The following STAMBPL1 variants were observed in gnomAD, a reference collection of about 807,000 sequenced individuals.
STAMBPL1 encodes the protein AMSH-like protease.
Under a neutral mutation model 52.9 loss-of-function variants are expected in STAMBPL1, and 44 were observed. The observed-to-expected ratio is 0.83, with a 90% CI of 0.65 to 1.07. The LOEUF is 1.07. Among genes scored for constraint, STAMBPL1 ranks in the 50% least tolerant of loss-of-function variants. STAMBPL1 has a pLI of 0.00. For missense variants in STAMBPL1, 511 were observed against 520.8 expected (o/e 0.98, Z 0.18); for synonymous variants, 164 against 177.3 (o/e 0.92, Z 0.60).
intron 6 of STAMBPL1, among the ~76,000 whole-genome samples, chr10:88,913,959 T>A (rs889030881): frequency 3.3e-5 from 5 of 152,216 alleles, no homozygotes; most frequent in African/African-American, 9.6e-5. Flanking sequence ...GAATTAGTGC[T>A]GCTCAGTACT....
At chr10:88,918,281 G>GCA (rs144819228) in intron 8 of STAMBPL1, among the ~76,000 whole-genome samples, 7,561 of 147,132 alleles carry the variant, frequency 0.051, 475 homozygotes, top group African/African-American at 0.15. Context: ...GGAGCAGCAT[G>GCA]CACACACACA....
chr10:88,923,049 T>C (rs1589383613), intron 10 of STAMBPL1, 119 bp from the exon 11 acceptor site: 3 of 715,626 alleles, frequency 4.2e-6, no homozygotes, highest in Non-Finnish European at 6.9e-6. Flanking sequence ...ATTGGAAATA[T>C]TTTAAAAATC....
At chr10:88,886,412 T>C (rs1470279968) in intron 1 of STAMBPL1, among the ~76,000 whole-genome samples, 3 of 152,200 alleles carry the variant, frequency 2.0e-5, no homozygotes, top group Non-Finnish European at 4.4e-5. Context: ...TTTTTGGAAG[T>C]TACATATTAT....
intron 6 of STAMBPL1, 90 bp downstream of exon 6, chr10:88,913,548 A>G (rs1241969681): frequency 1.8e-6 from 2 of 1,140,112 alleles, no homozygotes; most frequent in Non-Finnish European, 2.5e-6. Context: ...TTCTCATTTC[A>G]TTATTAATTG....
rs1003488511 is a variant in STAMBPL1, at chr10:88,880,369, CGAG to C, written c.-316_-314del. ...TCCCCTGCGCTGGGGTGTCCGACAG[CGAG>C]GAGGAGAACGACGCACGGAGCCCGC... On this transcript the variant is annotated 5_prime_UTR_variant, in exon 1 of 11. Coordinates refer to ENST00000371926, the MANE Select transcript of STAMBPL1 (RefSeq NM_020799.4). The C allele has an allele frequency of 3.0e-4, 45 of 152,172 alleles. No individual in the cohort carries two copies. The highest frequency in any genetic ancestry group is 1.0e-3 in the Admixed American group (16 of 15,286). The allele number at this position is 152,172 out of a possible 1,614,324, so 9.4% of individuals were successfully genotyped here.
At chr10:88,881,907 A>G (rs1844415608) in intron 1 of STAMBPL1, among the ~76,000 whole-genome samples, 1 of 152,228 alleles carries the variant, frequency 6.6e-6, no homozygotes, top group Non-Finnish European at 1.5e-5. Flanking sequence ...GCTGAGCAGT[A>G]GGCTCTTTTT....
intron 1 of STAMBPL1, among the ~76,000 whole-genome samples, chr10:88,887,363 T>C (rs529296238): frequency 1.3e-5 from 2 of 152,322 alleles, no homozygotes; most frequent in Admixed American, 6.5e-5. Flanking sequence ...ATAACTATCA[T>C]ATTCTTATGG....
rs982905221 is a variant in STAMBPL1, at chr10:88,923,152, A to T, written c.1255-16A>T. The T allele has an allele frequency of 1.3e-6, 2 of 1,596,064 alleles. No homozygotes were observed. The highest frequency in any genetic ancestry group is 1.1e-5 in the South Asian group (1 of 87,782). ...TGAAATCAAACATATGGTAAAACCA[A>T]TTTTTTCTTTCCTAGATATGCAAAC... On this transcript the variant is annotated splice_polypyrimidine_tract_variant and intron_variant, in intron 10 of 10. Transcript: ENST00000371926.
At chr10:88,911,403 G>A (rs1845221793) in intron 5 of STAMBPL1, among the ~76,000 whole-genome samples, 1 of 152,182 alleles carries the variant, frequency 6.6e-6, no homozygotes, top group African/African-American at 2.4e-5. Flanking sequence ...CCTTAGAAAT[G>A]TGAATTTGAT....
At chr10:88,896,931 C>A (rs1376834190) in intron 1 of STAMBPL1, among the ~76,000 whole-genome samples, 1 of 152,036 alleles carries the variant, frequency 6.6e-6, no homozygotes, top group African/African-American at 2.4e-5. Context: ...GAAAAAATCA[C>A]AAAATAAGCA....
chr10:88,892,253 C>T (rs1006134806), intron 1 of STAMBPL1, among the ~76,000 whole-genome samples: 1 of 151,956 alleles, frequency 6.6e-6, no homozygotes, highest in South Asian at 2.1e-4. Flanking sequence ...ATAAAAACAT[C>T]CTGGGCTGGA....
intron 8 of STAMBPL1, among the ~76,000 whole-genome samples, chr10:88,918,281 GCACACACACACACA>G (rs144819228): frequency 6.8e-6 from 1 of 147,162 alleles, no homozygotes; most frequent in Non-Finnish European, 1.5e-5. Context: ...GGAGCAGCAT[GCACACACACACACA>G]CACACACACA....
chr10:88,913,305 AGC>A lies in STAMBPL1; in HGVS notation c.628_629del (p.Ala210PhefsTer21), dbSNP rs1255061668. ...AGGGCTGTCAGAGCAGATTGATGGG[AGC>A]GCTTTGTCCTGCTTTTCCACACACC... is the stretch of plus-strand genomic sequence containing the variant. ...TSGLSEQIDG[S>X]ALSCFSTHQN... is the part of the protein sequence containing the mutation. On this transcript the variant is annotated frameshift_variant, in exon 6 of 11. Coordinates refer to ENST00000371926, the MANE Select transcript of STAMBPL1 (RefSeq NM_020799.4). LOFTEE classifies it high-confidence loss of function. 6.2e-7 allele frequency: 1 copy of A among 1,613,792 alleles called. No homozygotes were observed. Among genetic ancestry groups the A allele is most frequent in the Non-Finnish European group, 8.5e-7 (1 of 1,179,858 alleles).
In STAMBPL1 at chr10:88,913,408, C is replaced by G. The variant is rs1845280099; in HGVS notation, c.728C>G (p.Pro243Arg). Reference protein sequence around the residue: ...SDATNYASHSPPVNRALTPAA... With the variant: ...SDATNYASHSRPVNRALTPAA... ...GCAACCAATTATGCTAGCCACTCTC[C>G]TCCTGTAAACAGGGCCTTAACGCCA... The change falls in exon 6 of 11, where the codon CCT (proline) becomes CGT (arginine). Residue 243 changes from proline (P) to arginine (R), a missense_variant. Around this residue, in one of 3 missense-constraint regions of STAMBPL1, gnomAD observed 358 missense variants for 343.5 expected, o/e 1.04. Coordinates refer to ENST00000371926, the MANE Select transcript of STAMBPL1 (RefSeq NM_020799.4). 1.2e-6 allele frequency: 2 copies of G among 1,613,578 alleles called. No homozygotes were observed. Among genetic ancestry groups the G allele is most frequent in the African/African-American group, 2.7e-5 (2 of 74,890 alleles).
At chr10:88,916,902 A>G (rs569484113) in intron 8 of STAMBPL1, 85 bp downstream of exon 8, 316 of 1,329,302 alleles carry the variant, frequency 2.4e-4, no homozygotes, top group Admixed American at 3.7e-4. Context: ...CTTCATTTAA[A>G]TAGCTTCTTC....
chr10:88,901,570 C>T (rs1844943846), intron 1 of STAMBPL1, 86 bp from the exon 2 acceptor site: 5 of 691,206 alleles, frequency 7.2e-6, no homozygotes, highest in Non-Finnish European at 1.2e-5. Flanking sequence ...TCCTGTTTGT[C>T]TGAGGCAGAG....
At position 88,895,475 on chromosome 10, in the gene STAMBPL1, C is replaced by T. The variant is rs550350769; in HGVS notation, c.-53-6181C>T. ...AAGAAGCAAGTAGTTACACATCAAC[C>T]GACCATCTGATATCTGTAATAGAAG... On this transcript the variant is annotated intron_variant, in intron 1 of 10. Transcript: ENST00000371926. Among the ~76,000 whole-genome samples the T allele has an allele frequency of 1.9e-3, 286 of 152,260 alleles. 1 individual carries two copies. The highest frequency in any genetic ancestry group is 6.5e-3 in the African/African-American group (269 of 41,560).
At position 88,908,551 on chromosome 10, in the gene STAMBPL1, CTT is replaced by C. The variant is rs1845134829; in HGVS notation, c.249-149_249-148del. ...ATACCAAAATAATACTCATGCCAGACTTTAGTGAAAAGGCAGATGGCAAGACT... is the reference window on the plus strand; with the variant it reads ...ATACCAAAATAATACTCATGCCAGACTAGTGAAAAGGCAGATGGCAAGACT... On this transcript the variant is annotated intron_variant, in intron 3 of 10. Transcript: ENST00000371926. 4.3e-5 allele frequency: 28 copies of C among 646,572 alleles called. 1 individual carries two copies. The South Asian group carries it at 5.2e-4, about 12-fold the overall frequency. The allele number at this position is 646,572 out of a possible 1,614,324, so 40.1% of individuals were successfully genotyped here.
intron 1 of STAMBPL1, among the ~76,000 whole-genome samples, chr10:88,885,670 C>T (rs1470704287): frequency 6.6e-6 from 1 of 152,210 alleles, no homozygotes; most frequent in Non-Finnish European, 1.5e-5. Context: ...TTTCTAACCA[C>T]CTTTTAATTC....
Sources: allele counts gnomAD v4.1 joint callset (sites outside exome capture counted in the v4.1 genomes callset), GRCh38; gene constraint gnomAD v4.1.1; regional missense constraint gnomAD v4.1.1; transcripts MANE v1.5; gene names NCBI Gene and HGNC (gene_info 2026-07-23, HGNC 2026-07-21).